Variants in WDR72 observed in about 807,000 individuals in gnomAD.
The protein encoded by WDR72 is WD repeat-containing protein 72.
WDR72 carries 120 observed loss-of-function variants against 124.2 expected under a neutral mutation model. The ratio of observed to expected loss-of-function variants is 0.97; its 90% CI spans 0.83 to 1.12. The LOEUF is 1.12. WDR72 is among the 50% of genes most tolerant of loss of function. The pLI is 0.00. For missense variants in WDR72, 1,387 were observed against 1,278.8 expected (o/e 1.08, Z -1.29); for synonymous variants, 452 against 441.7 (o/e 1.02, Z -0.29).
intron 18 of WDR72, among the ~76,000 whole-genome samples, chr15:53,541,352 CT>C (rs1893120101): frequency 6.6e-6 from 1 of 152,130 alleles, no homozygotes; most frequent in African/African-American, 2.4e-5. Flanking sequence ...CCCGAGCAGC[CT>C]AACTGGGAGG....
chr15:53,693,588 A>G (rs1313466024), intron 13 of WDR72, among the ~76,000 whole-genome samples: 1 of 152,176 alleles, frequency 6.6e-6, no homozygotes, highest in Non-Finnish European at 1.5e-5. Flanking sequence ...TTCAAAGCCT[A>G]TGCACTTTGA....
intron 18 of WDR72, among the ~76,000 whole-genome samples, chr15:53,538,475 T>C (rs984221267): frequency 1.3e-5 from 2 of 152,180 alleles, no homozygotes; most frequent in Non-Finnish European, 2.9e-5. Flanking sequence ...TGACGGTGTA[T>C]ACATCTAACA....
intron 14 of WDR72, among the ~76,000 whole-genome samples, chr15:53,663,198 ATAAAT>A (rs2015666013): frequency 6.6e-6 from 1 of 152,114 alleles, no homozygotes; most frequent in Non-Finnish European, 1.5e-5. Flanking sequence ...TACCCAGAAC[ATAAAT>A]TAAAAAGATA....
At chr15:53,674,416 G>T (rs529188525) in intron 13 of WDR72, among the ~76,000 whole-genome samples, 1 of 152,232 alleles carries the variant, frequency 6.6e-6, no homozygotes, top group African/African-American at 2.4e-5. Flanking sequence ...AAACACATAT[G>T]GAGATCGACC....
At chr15:53,620,430 C>G (rs950711408) in intron 14 of WDR72, among the ~76,000 whole-genome samples, 1 of 151,582 alleles carries the variant, frequency 6.6e-6, no homozygotes, top group African/African-American at 2.4e-5. Context: ...TTATATTTTA[C>G]CATACCAAAC....
intron 1 of WDR72, among the ~76,000 whole-genome samples, chr15:53,758,320 A>G (rs1359572457): frequency 3.9e-5 from 6 of 152,178 alleles, no homozygotes; most frequent in Admixed American, 3.3e-4. Context: ...TTTTCTTGAC[A>G]AAATACTTAT....
chr15:53,657,251 G>A lies in WDR72; in HGVS notation c.1962+8321C>T, dbSNP rs1252355606. ...TGCACTCCAGCCTGGGCAAAAGAGC[G>A]AGACTCCATCTCAAAAAAAAAAAAA... On this transcript the variant is annotated intron_variant, in intron 14 of 19. Transcript: ENST00000360509. Among the ~76,000 whole-genome samples, 37 of 95,172 alleles carry A rather than the reference G, an allele frequency of 3.9e-4. 1 individual carries two copies. The highest frequency in any genetic ancestry group is 2.4e-3 in the East Asian group (7 of 2,916). 62.4% of individuals were successfully genotyped at this position (95,172 alleles called of 152,430 possible). A position where few individuals can be genotyped will look rare whatever the true frequency, so the allele number is the denominator to read the frequency against.
chr15:53,601,729 C>A (rs2013053993), intron 17 of WDR72, among the ~76,000 whole-genome samples: 1 of 151,882 alleles, frequency 6.6e-6, no homozygotes, highest in Non-Finnish European at 1.5e-5. Flanking sequence ...CAACAAAAAT[C>A]AAAAAAGACA....
At chr15:53,698,575 C>A (rs74018737) in intron 13 of WDR72, among the ~76,000 whole-genome samples, 4,122 of 152,188 alleles carry the variant, frequency 0.027, 99 homozygotes, top group East Asian at 0.069. Context: ...AGCAAAGAAG[C>A]AATGTAATAT....
chr15:53,714,958 A>G (rs2017662266), intron 5 of WDR72, among the ~76,000 whole-genome samples: 1 of 152,094 alleles, frequency 6.6e-6, no homozygotes. Context: ...ATAAAAACAC[A>G]AATTCTCCTC....
chr15:53,709,200 G>A (rs1332169981), intron 9 of WDR72, among the ~76,000 whole-genome samples: 1 of 152,180 alleles, frequency 6.6e-6, no homozygotes, highest in Admixed American at 6.5e-5. Context: ...GAACACTAGT[G>A]ATGTTTGAAT....
intron 16 of WDR72, among the ~76,000 whole-genome samples, chr15:53,613,160 C>T (rs1470039902): frequency 1.3e-5 from 2 of 152,008 alleles, no homozygotes; most frequent in Admixed American, 6.6e-5. Flanking sequence ...TGCCATTTGG[C>T]ATCAAGAGGA....
At chr15:53,643,887 T>C (rs1481915359) in intron 14 of WDR72, among the ~76,000 whole-genome samples, 1 of 152,152 alleles carries the variant, frequency 6.6e-6, no homozygotes, top group African/African-American at 2.4e-5. Flanking sequence ...AATTTAATTT[T>C]ACATATGCAA....
chr15:53,668,645 T>G lies in WDR72; in HGVS notation c.1766-2877A>C, dbSNP rs551837049. Among the ~76,000 whole-genome samples the G allele has an allele frequency of 1.1e-4, 16 of 152,192 alleles. No individual in the cohort carries two copies. In the South Asian group the frequency reaches 3.1e-3, roughly 30 times the overall value. On this transcript the variant is annotated intron_variant, in intron 13 of 19. Transcript: ENST00000360509. The stretch of plus-strand genomic sequence containing the variant: ...GTATAATAGCTCATCCCATCCTAAC[T>G]GTAATCTTAGCACTTTGGGAGGGCG...
chr15:53,702,315 C>T lies in WDR72; in HGVS notation c.1388G>A (p.Ser463Asn), dbSNP rs1567037185. The T allele has an allele frequency of 3.1e-6, 5 of 1,613,858 alleles. No individual in the cohort carries two copies. Among genetic ancestry groups the T allele is most frequent in the Non-Finnish European group, 4.2e-6 (5 of 1,179,916 alleles). ...PHKVLKGHHQ[S>N]VTSLLYPHGL... Reference sequence around the variant, plus strand: ...ATGTGGATAGAGTAATGAAGTGACACTTTGGTGGTGGCCTTTAAGAACTTT... The same window carrying T: ...ATGTGGATAGAGTAATGAAGTGACATTTTGGTGGTGGCCTTTAAGAACTTT... The change falls in exon 12 of 20, where the codon AGT (serine) becomes AAT (asparagine). Residue 463 changes from serine to asparagine, a missense_variant. Transcript: ENST00000360509.
At chr15:53,681,893 A>T (rs112611737) in intron 13 of WDR72, among the ~76,000 whole-genome samples, 3 of 152,204 alleles carry the variant, frequency 2.0e-5, no homozygotes, top group Non-Finnish European at 2.9e-5. Flanking sequence ...AAAAAAAGTG[A>T]ATCAAATGAT....
intron 14 of WDR72, among the ~76,000 whole-genome samples, chr15:53,648,914 C>T (rs913381778): frequency 7.4e-6 from 1 of 134,748 alleles, no homozygotes; most frequent in Admixed American, 6.8e-5. Flanking sequence ...AGACAAAAAT[C>T]TCTGAAAACC....
chr15:53,546,564 A>G (rs1224914621), intron 18 of WDR72, among the ~76,000 whole-genome samples: 1 of 152,122 alleles, frequency 6.6e-6, no homozygotes, highest in Non-Finnish European at 1.5e-5. Flanking sequence ...ACCTAATGCT[A>G]GATGACGAGT....
chr15:53,565,252 T>G (rs1424716727), intron 18 of WDR72, among the ~76,000 whole-genome samples: 1 of 151,838 alleles, frequency 6.6e-6, no homozygotes. Flanking sequence ...AAACAAGAGA[T>G]GCAGTTTAAG....
Sources: gnomAD v4.1 joint callset for allele counts (sites outside exome capture counted in the v4.1 genomes callset) on GRCh38, gnomAD v4.1.1 for gene constraint, MANE v1.5 for transcripts, NCBI Gene and HGNC (gene_info 2026-07-23, HGNC 2026-07-21) for gene names.